NUBPL: variants seen among roughly 807,000 people sequenced by gnomAD.
NUBPL encodes iron-sulfur cluster transfer protein NUBPL.
Under a neutral mutation model 45.7 loss-of-function variants are expected in NUBPL, and 31 were observed. That is an observed-to-expected ratio of 0.68 (90% CI 0.51 to 0.92). The LOEUF is 0.92. Ranked by LOEUF, NUBPL falls within the 40% of genes least tolerant of loss-of-function variation. The pLI, the probability that NUBPL is intolerant of heterozygous loss-of-function variation, is 0.00. For missense variants in NUBPL, 401 were observed against 398.7 expected, an observed-to-expected ratio of 1.01 and a Z score of -0.05; for synonymous variants, 144 against 140.9, an observed-to-expected ratio of 1.02 and a Z score of -0.15.
At chr14:31,602,253 G>T (rs939118736) in intron 4 of NUBPL, among the ~76,000 whole-genome samples, 3 of 151,966 alleles carry the variant, frequency 2.0e-5, no homozygotes, top group Admixed American at 6.6e-5. Context: ...GTGGGAGGAG[G>T]GGGGAGGGAT....
chr14:31,753,557 G>T (rs1252997036), intron 6 of NUBPL, among the ~76,000 whole-genome samples: 1 of 152,152 alleles, frequency 6.6e-6, no homozygotes, highest in African/African-American at 2.4e-5. Context: ...GAGCCCCATG[G>T]ATGTGGCAAT....
chr14:31,625,565 T>C (rs1313898932), intron 4 of NUBPL, among the ~76,000 whole-genome samples: 1 of 151,832 alleles, frequency 6.6e-6, no homozygotes, highest in Non-Finnish European at 1.5e-5. Flanking sequence ...AACCTCTGCT[T>C]CCCAGGCTCT....
At chr14:31,607,557 C>T (rs1207693724) in intron 4 of NUBPL, among the ~76,000 whole-genome samples, 1 of 151,880 alleles carries the variant, frequency 6.6e-6, no homozygotes, top group Non-Finnish European at 1.5e-5. Flanking sequence ...TAAAAAGATT[C>T]AAGCTGAAAT....
At chr14:31,776,091 G>A (rs1270726743) in intron 6 of NUBPL, among the ~76,000 whole-genome samples, 1 of 152,106 alleles carries the variant, frequency 6.6e-6, no homozygotes, top group Non-Finnish European at 1.5e-5. Context: ...TTGTACCTAA[G>A]TTTTCATTTA....
At chr14:31,790,477 AT>A (rs1459378196) in intron 7 of NUBPL, among the ~76,000 whole-genome samples, 1 of 152,168 alleles carries the variant, frequency 6.6e-6, no homozygotes, top group Non-Finnish European at 1.5e-5. Flanking sequence ...CTAATAATAT[AT>A]TGGCATTGTT....
chr14:31,587,178 C>A (rs1330852549), intron 3 of NUBPL, among the ~76,000 whole-genome samples: 1 of 152,090 alleles, frequency 6.6e-6, no homozygotes, highest in Non-Finnish European at 1.5e-5. Flanking sequence ...GTTTTGTTAA[C>A]AAGTTGCCCG....
intron 3 of NUBPL, among the ~76,000 whole-genome samples, chr14:31,575,518 C>T (rs1024944544): frequency 2.0e-5 from 3 of 152,048 alleles, no homozygotes; most frequent in Non-Finnish European, 4.4e-5. Flanking sequence ...AAGAGTTGTT[C>T]TTATTAGCTC....
chr14:31,636,889 T>C (rs1225570107), intron 4 of NUBPL, among the ~76,000 whole-genome samples: 2 of 152,222 alleles, frequency 1.3e-5, no homozygotes, highest in African/African-American at 2.4e-5. Context: ...GAGTTGTTTG[T>C]AGTATTCTCT....
At chr14:31,813,373 T>C (rs2039850537) in intron 7 of NUBPL, among the ~76,000 whole-genome samples, 1 of 152,010 alleles carries the variant, frequency 6.6e-6, no homozygotes, top group Non-Finnish European at 1.5e-5. Context: ...GAAGAGCCAG[T>C]ATTTGTCACT....
chr14:31,689,344 C>A (rs2037040463), intron 6 of NUBPL, among the ~76,000 whole-genome samples: 1 of 152,130 alleles, frequency 6.6e-6, no homozygotes, highest in Admixed American at 6.6e-5. Flanking sequence ...TATTTTTTGA[C>A]ATTTTAATAA....
At chr14:31,715,967 T>C (rs2037678962) in intron 6 of NUBPL, among the ~76,000 whole-genome samples, 1 of 152,218 alleles carries the variant, frequency 6.6e-6, no homozygotes, top group Non-Finnish European at 1.5e-5. Context: ...TACATCCTTT[T>C]TTCTGTAAGC....
At chr14:31,792,876 C>T (rs2039408344) in intron 7 of NUBPL, among the ~76,000 whole-genome samples, 1 of 152,082 alleles carries the variant, frequency 6.6e-6, no homozygotes, top group African/African-American at 2.4e-5. Context: ...AAAAATGATT[C>T]AGCTCCCAAG....
At chr14:31,586,877 T>C (rs1327904834) in intron 3 of NUBPL, among the ~76,000 whole-genome samples, 1 of 152,088 alleles carries the variant, frequency 6.6e-6, no homozygotes, top group East Asian at 1.9e-4. Context: ...AATGAAAAAA[T>C]GGTGATGCCA....
At chr14:31,675,713 C>T (rs1380741039) in intron 6 of NUBPL, among the ~76,000 whole-genome samples, 2 of 152,142 alleles carry the variant, frequency 1.3e-5, no homozygotes, top group African/African-American at 4.8e-5. Context: ...TTCTGATATC[C>T]TGAACTAGAA....
chr14:31,757,576 C>T (rs930897859), intron 6 of NUBPL, among the ~76,000 whole-genome samples: 5 of 151,938 alleles, frequency 3.3e-5, no homozygotes, highest in South Asian at 2.1e-4. Flanking sequence ...TTTAGAGTTA[C>T]GTTGCTAAAA....
intron 6 of NUBPL, among the ~76,000 whole-genome samples, chr14:31,786,293 A>G (rs1461884327): frequency 1.3e-5 from 2 of 152,224 alleles, no homozygotes; most frequent in African/African-American, 2.4e-5. Context: ...AAGTCTTTGC[A>G]TGTGTTCATT....
chr14:31,700,835 C>T (rs1595513886), intron 6 of NUBPL, among the ~76,000 whole-genome samples: 1 of 152,176 alleles, frequency 6.6e-6, no homozygotes, highest in Admixed American at 6.5e-5. Flanking sequence ...CTCCCCCCCA[C>T]CACCGTGGGT....
At chr14:31,676,341 T>A (rs554477893) in intron 6 of NUBPL, among the ~76,000 whole-genome samples, 51 of 152,272 alleles carry the variant, frequency 3.3e-4, no homozygotes, top group African/African-American at 9.1e-4. Flanking sequence ...GCTTTTTTTT[T>A]ATATGGTTTC....
chr14:31,633,741 C>A (rs1051334317), intron 4 of NUBPL, among the ~76,000 whole-genome samples: 1 of 152,174 alleles, frequency 6.6e-6, no homozygotes, highest in African/African-American at 2.4e-5. Context: ...TTCCTAATAA[C>A]TTTCACATAT....
Sources: allele counts gnomAD v4.1 joint callset (sites outside exome capture counted in the v4.1 genomes callset), GRCh38; gene constraint gnomAD v4.1.1; transcripts MANE v1.5; gene names NCBI Gene and HGNC (gene_info 2026-07-23, HGNC 2026-07-21).